The following PIK3C2G variants were observed in gnomAD, a reference collection of about 807,000 sequenced individuals.
PIK3C2G encodes the protein phosphatidylinositol-4-phosphate 3-kinase catalytic subunit type 2 gamma, also known as phosphatidylinositol 3-kinase C2 domain-containing subunit gamma.
In PIK3C2G, 168 loss-of-function variants were observed where a neutral mutation model predicts 181.1. The ratio of observed to expected loss-of-function variants is 0.93; its 90% CI spans 0.82 to 1.05. The LOEUF is 1.05. Ranked by LOEUF, PIK3C2G falls within the 50% of genes least tolerant of loss-of-function variation. The pLI is 0.00. For missense variants in PIK3C2G, 1,869 were observed against 1,732.8 expected (o/e 1.08, Z -1.40); for synonymous variants, 573 against 592.2 (o/e 0.97, Z 0.47).
chr12:18,502,374 A>G (rs935892852), intron 22 of PIK3C2G, among the ~76,000 whole-genome samples: 1 of 152,194 alleles, frequency 6.6e-6, no homozygotes, highest in African/African-American at 2.4e-5. Flanking sequence ...CTCTGTTCAT[A>G]TAGTTATATT....
At chr12:18,592,762 A>T (rs1212990501) in intron 29 of PIK3C2G, among the ~76,000 whole-genome samples, 2 of 151,954 alleles carry the variant, frequency 1.3e-5, no homozygotes, top group African/African-American at 4.8e-5. Flanking sequence ...ACCATATTTT[A>T]TGTTGATGAG....
At chr12:18,623,070 T>C (rs946052075) in intron 31 of PIK3C2G, among the ~76,000 whole-genome samples, 2 of 151,928 alleles carry the variant, frequency 1.3e-5, no homozygotes, top group African/African-American at 2.4e-5. Flanking sequence ...TTGTCTATCT[T>C]TGCATTTGTT....
chr12:18,288,816 T>C (rs890442782), intron 3 of PIK3C2G, among the ~76,000 whole-genome samples: 1 of 152,212 alleles, frequency 6.6e-6, no homozygotes, highest in Non-Finnish European at 1.5e-5. Context: ...AAAACACAAT[T>C]TCTTATTCTT....
At chr12:18,534,062 G>A (rs1179777083) in intron 24 of PIK3C2G, among the ~76,000 whole-genome samples, 1 of 143,022 alleles carries the variant, frequency 7.0e-6, no homozygotes, top group Non-Finnish European at 1.5e-5. Flanking sequence ...CAATTCTTGT[G>A]CCTCAGCCTC....
chr12:18,546,354 G>T lies in PIK3C2G; in HGVS notation c.3512G>T (p.Gly1171Val). ...TATGCAGGACTGCCTGAGCTAAGTG[G>T]AATTCAAGACCTGAAATATGTGTAT... ...MLYAGLPELS[G>V]IQDLKYVYNN... Residue 1171 changes from glycine (G) to valine (V), a missense_variant, in exon 26 of 33, where the codon GGA becomes GTA. Gly to Val is a moderately radical substitution (Grantham distance 109). Transcript: ENST00000538779. The T allele has an allele frequency of 6.3e-7, 1 of 1,599,766 alleles. No homozygotes were observed. Among genetic ancestry groups the T allele is most frequent in the Non-Finnish European group, 8.5e-7 (1 of 1,171,824 alleles).
chr12:18,354,740 C>T (rs1235936522), intron 11 of PIK3C2G, among the ~76,000 whole-genome samples: 1 of 152,186 alleles, frequency 6.6e-6, no homozygotes, highest in Non-Finnish European at 1.5e-5. Context: ...ATTCAGGATG[C>T]ACTCCAGAAG....
At chr12:18,537,686 C>T (rs1943932486) in intron 24 of PIK3C2G, among the ~76,000 whole-genome samples, 1 of 152,004 alleles carries the variant, frequency 6.6e-6, no homozygotes, top group South Asian at 2.1e-4. Context: ...GAATTGGTAA[C>T]ATCTGCTTGC....
intron 13 of PIK3C2G, among the ~76,000 whole-genome samples, chr12:18,378,573 A>G (rs1185464292): frequency 1.3e-5 from 2 of 152,244 alleles, no homozygotes; most frequent in African/African-American, 4.8e-5. Context: ...CATCAGAGTG[A>G]ACAGGCAACC....
intron 18 of PIK3C2G, among the ~76,000 whole-genome samples, chr12:18,445,711 A>G (rs1297724884): frequency 6.6e-6 from 1 of 152,172 alleles, no homozygotes; most frequent in East Asian, 1.9e-4. Context: ...AGATTTTGTT[A>G]TACTCATCCA....
rs1036192141 is a variant in PIK3C2G, at chr12:18,399,919, T to A, written c.2315+72T>A. ...GCTTGAAGAGAACTATAGAACCATA[T>A]AATTAATTCAATAGCTATTCTGTTT... On this transcript the variant is annotated intron_variant, in intron 16 of 32. Coordinates refer to ENST00000538779, the MANE Select transcript of PIK3C2G (RefSeq NM_001288772.2). The A allele has an allele frequency of 1.3e-5, 11 of 849,150 alleles. No individual in the cohort carries two copies. The Admixed American group carries it at 2.9e-4, about 23-fold the overall frequency. 52.6% of individuals were successfully genotyped at this position (849,150 alleles called of 1,614,324 possible).
chr12:18,325,283 C>A (rs542813588), intron 8 of PIK3C2G, among the ~76,000 whole-genome samples, 185 bp downstream of exon 8: 3 of 152,322 alleles, frequency 2.0e-5, no homozygotes, highest in Admixed American at 2.0e-4. Context: ...TAAAGTGCTA[C>A]AGCTGCTGAG....
chr12:18,684,796 T>C, the PIK3C2G span, among the ~76,000 whole-genome samples: 6 of 152,040 alleles, frequency 3.9e-5, no homozygotes, highest in African/African-American at 1.4e-4. Context: ...CATCTTGAAT[T>C]GTAATCCCCA....
At chr12:18,290,569 C>T (rs528528093) in intron 3 of PIK3C2G, among the ~76,000 whole-genome samples, 7 of 152,274 alleles carry the variant, frequency 4.6e-5, no homozygotes, top group African/African-American at 1.4e-4. Context: ...TGAATCCTCA[C>T]GTTTCATGTT....
intron 24 of PIK3C2G, among the ~76,000 whole-genome samples, chr12:18,533,309 A>C (rs1943656136): frequency 6.6e-6 from 1 of 152,142 alleles, no homozygotes; most frequent in Non-Finnish European, 1.5e-5. Context: ...AAGCTCAGCT[A>C]CCTCCAAATG....
At chr12:18,395,444 T>C (rs1943821744) in intron 15 of PIK3C2G, among the ~76,000 whole-genome samples, 1 of 149,448 alleles carries the variant, frequency 6.7e-6, no homozygotes, top group African/African-American at 2.5e-5. Context: ...TAAGGCCAAA[T>C]GAAGATATTT....
chr12:18,600,890 C>A (rs1446551885), intron 30 of PIK3C2G, among the ~76,000 whole-genome samples: 1 of 152,036 alleles, frequency 6.6e-6, no homozygotes, highest in African/African-American at 2.4e-5. Flanking sequence ...TAAAAGCAGA[C>A]AATTTCATGT....
chr12:18,446,110 T>C (rs1314834087), intron 18 of PIK3C2G, among the ~76,000 whole-genome samples: 1 of 152,202 alleles, frequency 6.6e-6, no homozygotes, highest in African/African-American at 2.4e-5. Flanking sequence ...ACAGACTGTA[T>C]AATCTCCCCA....
chr12:18,491,539 TA>T lies in PIK3C2G; in HGVS notation c.2778del (p.Ile928LeufsTer16). Reference protein sequence around the residue: ...CHLPLNPALCIKGIDHDACSY... With the variant: ...CHLPLNPALCXKGIDHDACSY... ...CTTCCTCTGAACCCTGCCCTATGTA[TA>T]AAAGGGATTGATCACGATGTAAGTC... is the stretch of plus-strand genomic sequence containing the variant. On this transcript the variant is annotated frameshift_variant, in exon 20 of 33. Transcript: ENST00000538779. LOFTEE classifies it high-confidence loss of function. 1.3e-6 allele frequency: 2 copies of T among 1,580,186 alleles called. No homozygotes were observed. The highest frequency in any genetic ancestry group is 8.7e-7 in the Non-Finnish European group (1 of 1,150,384).
chr12:18,710,675 G>A, the PIK3C2G span, among the ~76,000 whole-genome samples: 5 of 152,162 alleles, frequency 3.3e-5, no homozygotes, highest in South Asian at 8.3e-4. Context: ...GGTTGACTAC[G>A]ACAGTGACAG....
Sources: allele counts gnomAD v4.1 joint callset (sites outside exome capture counted in the v4.1 genomes callset), GRCh38; gene constraint gnomAD v4.1.1; transcripts MANE v1.5; gene names NCBI Gene and HGNC (gene_info 2026-07-23, HGNC 2026-07-21).